The following FKBP15 variants were observed in gnomAD, a reference collection of about 807,000 sequenced individuals.
FKBP15 encodes FK506-binding protein 15.
FKBP15 carries 106 observed loss-of-function variants against 158.1 expected under a neutral mutation model. The ratio of observed to expected loss-of-function variants is 0.67; its 90% CI spans 0.57 to 0.79. The LOEUF is 0.79. Among genes scored for constraint, FKBP15 ranks in the 30% least tolerant of loss-of-function variants. The probability of loss-of-function intolerance (pLI) is 0.00; values close to 1 mark genes in which losing one functional copy is unlikely to be tolerated. For missense variants in FKBP15, 1,287 were observed against 1,479.1 expected, an observed-to-expected ratio of 0.87 and a Z score of 2.13; for synonymous variants, 547 against 548.6, an observed-to-expected ratio of 1.00 and a Z score of 0.04.
At chr9:113,169,130 G>GA in intron 26 of FKBP15, 94 bp downstream of exon 26, 1 of 1,446,628 alleles carries the variant, frequency 6.9e-7, no homozygotes, top group Non-Finnish European at 9.2e-7. Context: ...GAGTAAATTA[G>GA]TCTCTGAGGG....
At chr9:113,187,730 A>C in intron 14 of FKBP15, 63 bp downstream of exon 14, 1 of 1,317,252 alleles carries the variant, frequency 7.6e-7, no homozygotes, top group Non-Finnish European at 1.1e-6. Context: ...AGGAAGAAGA[A>C]AAGAGACTGA....
intron 9 of FKBP15, among the ~76,000 whole-genome samples, chr9:113,195,991 T>A (rs1012124958): frequency 6.6e-6 from 1 of 151,572 alleles, no homozygotes; most frequent in Non-Finnish European, 1.5e-5. Context: ...TGACTATGTA[T>A]ATGGATATGT....
intron 4 of FKBP15, chr9:113,206,154 T>G: frequency 4.9e-6 from 1 of 204,954 alleles, no homozygotes. Flanking sequence ...AATGGCAAAT[T>G]TTATCTTATA....
chr9:113,204,223 A>C (rs1413012325), intron 4 of FKBP15, among the ~76,000 whole-genome samples: 1 of 152,164 alleles, frequency 6.6e-6, no homozygotes, highest in Non-Finnish European at 1.5e-5. Flanking sequence ...GATTACAGGC[A>C]TGTGCCATCA....
intron 12 of FKBP15, among the ~76,000 whole-genome samples, chr9:113,188,819 C>G (rs140689541): frequency 4.6e-5 from 7 of 152,314 alleles, no homozygotes; most frequent in Admixed American, 2.0e-4. Context: ...AAGCCAGTAA[C>G]TGCCTTAAGA....
chr9:113,202,082 T>G (rs1245835054), intron 6 of FKBP15, among the ~76,000 whole-genome samples: 2 of 152,144 alleles, frequency 1.3e-5, no homozygotes, highest in Non-Finnish European at 2.9e-5. Flanking sequence ...CTTGTACAGA[T>G]GGGGTTTCAC....
rs908776200 is a variant in FKBP15, at chr9:113,161,745, C to G, written c.*4333G>C. On this transcript the variant is annotated 3_prime_UTR_variant, in exon 28 of 28. Transcript: ENST00000238256. ...AAGGGGCAGAAGCCTCACATTCACC[C>G]TGAGAGACAGGCTGGCCCAGACAGC... 2.5e-6 allele frequency: 4 copies of G among 1,592,604 alleles called. No homozygotes were observed. The highest frequency in any genetic ancestry group is 1.3e-5 in the African/African-American group (1 of 74,556).
chr9:113,199,003 C>CA, intron 7 of FKBP15, 80 bp from the exon 8 acceptor site: 1 of 895,734 alleles, frequency 1.1e-6, no homozygotes, highest in Non-Finnish European at 1.8e-6. Context: ...TAACTACATA[C>CA]CAGCACACTA....
rs1463389039 is a variant in FKBP15 at position 113,173,448 on chromosome 9, T to G, written c.2532+5A>C. On this transcript the variant is annotated splice_donor_5th_base_variant and intron_variant, in intron 23 of 27. Coordinates refer to ENST00000238256, the MANE Select transcript of FKBP15 (RefSeq NM_015258.2). ...TAAACTGTCTGACTCAAGAAAAATA[T>G]GTACCTTTTCCTGAAGTTGTACCAG... 2 of 1,612,376 alleles carry G rather than the reference T, an allele frequency of 1.2e-6. No individual in the cohort carries two copies. Among genetic ancestry groups the G allele is most frequent in the Middle Eastern group, 1.7e-4 (1 of 6,048 alleles).
At chr9:113,168,812 TATCTA>T (rs1254635854) in intron 26 of FKBP15, among the ~76,000 whole-genome samples, 3 of 152,250 alleles carry the variant, frequency 2.0e-5, no homozygotes, top group South Asian at 2.1e-4. Context: ...CTAGCCACCC[TATCTA>T]AAGTGGAACA....
chr9:113,173,146 T>A (rs1283753879), intron 23 of FKBP15, among the ~76,000 whole-genome samples: 1 of 152,234 alleles, frequency 6.6e-6, no homozygotes, highest in Non-Finnish European at 1.5e-5. Flanking sequence ...GTTCCTTGTA[T>A]GCACTTCCTT....
chr9:113,186,124 C>T, intron 15 of FKBP15, 125 bp downstream of exon 15: 1 of 672,180 alleles, frequency 1.5e-6, no homozygotes, highest in Non-Finnish European at 2.6e-6. Flanking sequence ...TATATCTCAA[C>T]AAAGCTGTTA....
At chr9:113,174,083 A>G (rs1286401103) in intron 22 of FKBP15, among the ~76,000 whole-genome samples, 1 of 152,184 alleles carries the variant, frequency 6.6e-6, no homozygotes, top group Non-Finnish European at 1.5e-5. Flanking sequence ...CTGATGACCT[A>G]AATCAATCCC....
Position 113,202,621 on chromosome 9 carries a change from G to A in FKBP15, c.408C>T (p.Pro136=), listed in dbSNP as rs1365512661. 2.6e-6 allele frequency: 4 copies of A among 1,566,712 alleles called. No homozygotes were observed. The African/African-American group carries it at 4.1e-5, about 16-fold the overall frequency. Reference sequence around the variant, plus strand: ...CATCATAAAAGGTGCTATAGTTATTGGGCCGAACCTGGAGAAAGGAGAAAT... The same window carrying A: ...CATCATAAAAGGTGCTATAGTTATTAGGCCGAACCTGGAGAAAGGAGAAAT... The part of the protein sequence containing the change: ...IHVNFELMVR[P]NNYSTFYDDQ... Residue 136 remains proline (P), a synonymous_variant, in exon 6 of 28, where the codon CCC becomes CCT. Transcript: ENST00000238256.
chr9:113,193,464 C>T (rs1830611910), intron 11 of FKBP15, 28 bp downstream of exon 11: 1 of 1,560,622 alleles, frequency 6.4e-7, no homozygotes, highest in Non-Finnish European at 8.7e-7. Flanking sequence ...TGTGAACCAC[C>T]ATGCCTGGCC....
chr9:113,212,805 T>G (rs1307010541), intron 1 of FKBP15, among the ~76,000 whole-genome samples: 1 of 152,218 alleles, frequency 6.6e-6, no homozygotes, highest in East Asian at 1.9e-4. Context: ...CTCTCTGTAC[T>G]CATTTACCTT....
chr9:113,180,205 C>T (rs976301861), intron 19 of FKBP15, among the ~76,000 whole-genome samples: 6 of 152,238 alleles, frequency 3.9e-5, no homozygotes, highest in Non-Finnish European at 7.4e-5. Context: ...ATCTCAGGTC[C>T]TTAGCTAGAA....
rs1331927356 is a variant in FKBP15 at position 113,184,311 on chromosome 9, T to C, written c.1697A>G (p.Asn566Ser). ...VTMETSMIMS[N>S]IQRIIQENER... ...CCTCACCTGAATGATTCGCTGGATG[T>C]TGCTCATAATCATGCTTGTTTCCAT... The change falls in exon 17 of 28, where the codon AAC (asparagine) becomes AGC (serine). Residue 566 changes from asparagine to serine, a missense_variant. Coordinates refer to ENST00000238256, the MANE Select transcript of FKBP15 (RefSeq NM_015258.2). This position sits in a 1 kb window ranked among gnomAD's most constrained non-coding sequence, Gnocchi z 4.5. 3 of 1,600,752 alleles carry C rather than the reference T, an allele frequency of 1.9e-6. No individual in the cohort carries two copies. The highest frequency in any genetic ancestry group is 1.3e-5 in the African/African-American group (1 of 74,958).
intron 22 of FKBP15, among the ~76,000 whole-genome samples, chr9:113,174,159 ATGTTTGGAATTT>A (rs1830261645): frequency 2.0e-5 from 3 of 152,094 alleles, no homozygotes; most frequent in Non-Finnish European, 4.4e-5. Context: ...TGGCCTTACC[ATGTTTGGAATTT>A]TTTTTGTAAG....
Sources: gnomAD v4.1 joint callset for allele counts (sites outside exome capture counted in the v4.1 genomes callset) on GRCh38, gnomAD v4.1.1 for gene constraint, Gnocchi (gnomAD v3.1) non-coding constraint, MANE v1.5 for transcripts, NCBI Gene and HGNC (gene_info 2026-07-23, HGNC 2026-07-21) for gene names.